Variants in EVA1C observed in about 807,000 individuals in gnomAD.
EVA1C encodes eva-1 homolog C.
A neutral mutation model predicts 45.4 loss-of-function variants in EVA1C; 25 were observed. The observed-to-expected ratio is 0.55, with a 90% confidence interval of 0.40 to 0.77. The LOEUF is 0.77. Ranked by LOEUF, EVA1C falls within the 30% of genes least tolerant of loss-of-function variation. The pLI is 0.00. For missense variants in EVA1C, 479 were observed against 554.8 expected (o/e 0.86, Z 1.37); for synonymous variants, 190 against 221.2 (o/e 0.86, Z 1.25).
At chr21:32,461,010 T>C (rs1457914832) in intron 3 of EVA1C, among the ~76,000 whole-genome samples, 1 of 152,216 alleles carries the variant, frequency 6.6e-6, no homozygotes, top group Non-Finnish European at 1.5e-5. Flanking sequence ...CCTCCCAAAG[T>C]GCTAGGATCA....
At chr21:32,414,650 A>G (rs1450804462) in intron 1 of EVA1C, among the ~76,000 whole-genome samples, 1 of 152,216 alleles carries the variant, frequency 6.6e-6, no homozygotes, top group African/African-American at 2.4e-5. Context: ...GAGTTGAGCT[A>G]TCAACTCCTT....
In EVA1C at chr21:32,412,899, G is replaced by A. The variant is rs759104056; in HGVS notation, c.46G>A (p.Val16Met). 13 of 1,514,416 alleles carry A rather than the reference G, an allele frequency of 8.6e-6. No homozygotes were observed. In the Admixed American group the frequency reaches 2.3e-4, roughly 27 times the overall value. 93.8% of individuals were successfully genotyped at this position (1,514,416 alleles called of 1,614,324 possible). Reference protein sequence around the residue: ...RARQPPTPQPVQHPGLRRQVE... With the variant: ...RARQPPTPQPMQHPGLRRQVE... The stretch of plus-strand genomic sequence containing the variant: ...ACGCCAACCGCCGACGCCCCAGCCC[G>A]TGCAGCATCCCGGCCTCCGCCGGCA... The change falls in exon 1 of 8, where the codon GTG becomes ATG. Residue 16 changes from valine (V) to methionine (M), a missense_variant. This residue lies in a region of EVA1C where 80 missense variants were observed against 63.8 expected (regional missense o/e 1.25). Coordinates refer to ENST00000300255, the MANE Select transcript of EVA1C (RefSeq NM_058187.5).
intron 1 of EVA1C, among the ~76,000 whole-genome samples, chr21:32,425,936 C>A (rs574176773): frequency 2.6e-5 from 4 of 151,414 alleles, no homozygotes; most frequent in Admixed American, 2.6e-4. Flanking sequence ...ATTTTCCACA[C>A]TTTTAGAACC....
chr21:32,440,907 C>A (rs1160751413), intron 1 of EVA1C, among the ~76,000 whole-genome samples: 1 of 152,110 alleles, frequency 6.6e-6, no homozygotes, highest in Non-Finnish European at 1.5e-5. Flanking sequence ...TTGAGACCAG[C>A]CTGACCAACA....
At chr21:32,453,773 T>A (rs1015513831) in intron 2 of EVA1C, among the ~76,000 whole-genome samples, 1 of 152,238 alleles carries the variant, frequency 6.6e-6, no homozygotes, top group African/African-American at 2.4e-5. Context: ...TTTGTAGGTT[T>A]ACTCCTTACT....
chr21:32,426,003 C>T (rs948472971), intron 1 of EVA1C, among the ~76,000 whole-genome samples: 3 of 151,934 alleles, frequency 2.0e-5, no homozygotes, highest in African/African-American at 7.3e-5. Context: ...AGTCCCTAGA[C>T]AGCTCTGAAA....
intron 1 of EVA1C, among the ~76,000 whole-genome samples, chr21:32,448,279 G>A (rs760030533): frequency 7.9e-5 from 12 of 152,262 alleles, no homozygotes; most frequent in Admixed American, 4.6e-4. Context: ...TTCCGCACCC[G>A]CTTGCTCCAT....
intron 1 of EVA1C, among the ~76,000 whole-genome samples, chr21:32,448,474 C>T (rs1211246192): frequency 1.3e-4 from 20 of 152,128 alleles, no homozygotes; most frequent in Admixed American, 1.2e-3. Context: ...ATGGCCAGCT[C>T]GCCCGAGCTC....
At chr21:32,470,143 C>T (rs1470086848) in intron 4 of EVA1C, among the ~76,000 whole-genome samples, 3 of 151,978 alleles carry the variant, frequency 2.0e-5, no homozygotes, top group Admixed American at 6.5e-5. Flanking sequence ...ATGTGTGGAT[C>T]GCAGGTGAAA....
Position 32,491,963 on chromosome 21 carries a change from G to C in EVA1C, c.635-3064G>C, listed in dbSNP as rs1006524183. ...CCTCGGCTCTCAGTGGTTTGGTAGT[G>C]GCAGGGATGGACTTGGGACTGAATG... On this transcript the variant is annotated intron_variant, in intron 4 of 7. Transcript: ENST00000300255. Among the ~76,000 whole-genome samples, 7 of 152,212 alleles carry C rather than the reference G, an allele frequency of 4.6e-5. No individual in the cohort carries two copies. In the East Asian group the frequency reaches 5.8e-4, roughly 13 times the overall value.
rs2036478219 is a variant in EVA1C at position 32,474,205 on chromosome 21, A to T, written c.634+6357A>T. Among the ~76,000 whole-genome samples the T allele has an allele frequency of 6.6e-6, 1 of 152,174 alleles. No homozygotes were observed. The highest frequency in any genetic ancestry group is 6.5e-5 in the Admixed American group (1 of 15,280). ...CTGGGATTGCAGGCGTGAGCCACTG[A>T]GCCCGACCAGGATTTTATTTAAATT... On this transcript the variant is annotated intron_variant, in intron 4 of 7. Transcript: ENST00000300255. This position sits in a 1 kb window ranked among gnomAD's most constrained non-coding sequence, Gnocchi z 4.4.
chr21:32,454,446 G>A (rs2035704368), intron 2 of EVA1C, among the ~76,000 whole-genome samples: 1 of 152,132 alleles, frequency 6.6e-6, no homozygotes, highest in African/African-American at 2.4e-5. Flanking sequence ...CATATTTAGG[G>A]AAAGATTTGG....
chr21:32,446,741 G>T (rs905950342), intron 1 of EVA1C, among the ~76,000 whole-genome samples: 4 of 152,138 alleles, frequency 2.6e-5, no homozygotes, highest in South Asian at 4.1e-4. Context: ...CCTGGGAGAC[G>T]CCTGGTCCAC....
At chr21:32,434,177 TC>T (rs1388158730) in intron 1 of EVA1C, among the ~76,000 whole-genome samples, 3 of 151,868 alleles carry the variant, frequency 2.0e-5, no homozygotes, top group Non-Finnish European at 4.4e-5. Flanking sequence ...GCACCTGTAA[TC>T]CCAGCTACTT....
chr21:32,496,739 G>T, intron 5 of EVA1C: 1 of 621,528 alleles, frequency 1.6e-6, no homozygotes, highest in Non-Finnish European at 2.9e-6. Context: ...CTCCAAATAA[G>T]GTGTAGTTTT....
intron 1 of EVA1C, among the ~76,000 whole-genome samples, chr21:32,423,061 A>G (rs2034344350): frequency 1.1e-5 from 1 of 87,648 alleles, no homozygotes; most frequent in Non-Finnish European, 2.1e-5. Flanking sequence ...GCAGAGTGAG[A>G]CTCTGTCTCA....
chr21:32,456,073 G>C (rs1265640332), intron 2 of EVA1C, among the ~76,000 whole-genome samples: 1 of 152,138 alleles, frequency 6.6e-6, no homozygotes, highest in Non-Finnish European at 1.5e-5. Flanking sequence ...TGTACTTTTA[G>C]TAGAGACAGG....
At chr21:32,415,126 C>G (rs1331846777) in intron 1 of EVA1C, among the ~76,000 whole-genome samples, 2 of 152,154 alleles carry the variant, frequency 1.3e-5, no homozygotes, top group Non-Finnish European at 2.9e-5. Context: ...CATGTGGCCT[C>G]AAAGCTTGCC....
chr21:32,453,323 A>G lies in EVA1C; in HGVS notation c.172A>G (p.Lys58Glu). 1 of 1,591,394 alleles carries G rather than the reference A, an allele frequency of 6.3e-7. No homozygotes were observed. Among genetic ancestry groups the G allele is most frequent in the African/African-American group, 1.3e-5 (1 of 74,734 alleles). Residue 58 changes from lysine to glutamate, a missense_variant, in exon 2 of 8, where the codon AAA becomes GAA. Lys to Glu is a moderately conservative substitution (Grantham distance 56). Transcript: ENST00000300255. ...ALTDFSGYLT[K>E]LLQNHTTYAC... ...TGAATATTTTCCAGGTTACCTAACC[A>G]AACTCCTGCAAAACCACACCACCTA...
Sources: allele counts gnomAD v4.1 joint callset (sites outside exome capture counted in the v4.1 genomes callset), GRCh38; gene constraint gnomAD v4.1.1; regional missense constraint gnomAD v4.1.1; non-coding constraint Gnocchi (gnomAD v3.1); transcripts MANE v1.5; gene names NCBI Gene and HGNC (gene_info 2026-07-23, HGNC 2026-07-21).